FAR2: variants seen among roughly 807,000 people sequenced by gnomAD.
The protein encoded by FAR2 is epididymis secretory protein Li 81.
In FAR2, 19 loss-of-function variants were observed where a neutral mutation model predicts 56.0. That is an observed-to-expected ratio of 0.34 (90% CI 0.24 to 0.50). The LOEUF is 0.50. Ranked by LOEUF, FAR2 falls within the 20% of genes least tolerant of loss-of-function variation. The probability of loss-of-function intolerance (pLI) is 0.98; values close to 1 mark genes in which losing one functional copy is unlikely to be tolerated. For synonymous variants in FAR2, 219 were observed against 218.8 expected, an observed-to-expected ratio of 1.00 and a Z score of -0.01; for missense variants, 508 against 642.2, an observed-to-expected ratio of 0.79 and a Z score of 2.26.
chr12:29,293,744 C>A (rs1366359815), intron 3 of FAR2, among the ~76,000 whole-genome samples: 1 of 152,018 alleles, frequency 6.6e-6, no homozygotes, highest in Non-Finnish European at 1.5e-5. Context: ...TGTTTTGCAA[C>A]CTGCTCAATT....
At chr12:29,170,755 TC>T in intron 1 of FAR2, among the ~76,000 whole-genome samples, 1 of 14,742 alleles carries the variant, frequency 6.8e-5, no homozygotes, top group East Asian at 0.02. Flanking sequence ...TCTTCCTCTC[TC>T]TCTCTCTCTC....
chr12:29,211,168 A>G lies in FAR2; in HGVS notation c.-38-59244A>G, dbSNP rs149866056. Among the ~76,000 whole-genome samples, 219 of 152,166 alleles carry G rather than the reference A, an allele frequency of 1.4e-3. 1 individual carries two copies. The South Asian group carries it at 0.021, about 15-fold the overall frequency. ...GGACCAGGTGCGGTGGCTCACACCT[A>G]TAATCCCAACTACTTGGGAGGCTGA... On this transcript the variant is annotated intron_variant, in intron 1 of 11. Coordinates refer to ENST00000536681, the MANE Select transcript of FAR2 (RefSeq NM_001271783.2).
chr12:29,307,642 TTACTC>T lies in FAR2; in HGVS notation c.546-12_546-8del, dbSNP rs142002128. The T allele has an allele frequency of 1.8e-3, 2,792 of 1,590,792 alleles. 40 individuals are homozygous for T. In the African/African-American group the frequency reaches 0.032, roughly 18 times the overall value. On this transcript the variant is annotated splice_polypyrimidine_tract_variant and intron_variant, in intron 4 of 11. Transcript: ENST00000536681. ...CTAACATATGTTACTAGAATTCTCT[TTACTC>T]TACCTTTTAGGTGGTTAGACGATGC...
chr12:29,321,695 A>T (rs1372471567), intron 9 of FAR2, 100 bp from the exon 10 acceptor site: 1 of 1,373,586 alleles, frequency 7.3e-7, no homozygotes, highest in Non-Finnish European at 9.8e-7. Flanking sequence ...GTAGACAGGG[A>T]TAATTTTTGT....
In FAR2 at chr12:29,240,518, G is replaced by GT. The variant is rs995679804; in HGVS notation, c.-38-29892dup. 3.7e-4 allele frequency among the ~76,000 whole-genome samples: 3 copies of GT among 8,208 alleles called. No homozygotes were observed. The Admixed American group carries it at 6.5e-3, about 18-fold the overall frequency. 5.4% of individuals were successfully genotyped at this position (8,208 alleles called of 152,430 possible). A position where few individuals can be genotyped will look rare whatever the true frequency, so the allele number is the denominator to read the frequency against. On this transcript the variant is annotated intron_variant, in intron 1 of 11. Transcript: ENST00000536681. ...ACAGAGAAATCATGGCACAAAATGG[G>GT]TTGTTTTTTTTTTAATTTGAAAATG...
At chr12:29,150,805 G>A (rs1481676079) in intron 1 of FAR2, among the ~76,000 whole-genome samples, 1 of 152,156 alleles carries the variant, frequency 6.6e-6, no homozygotes, top group East Asian at 1.9e-4. Context: ...TGCCCCTGCT[G>A]TATTAACAAA....
intron 2 of FAR2, among the ~76,000 whole-genome samples, chr12:29,290,609 T>C (rs1377131898): frequency 1.3e-5 from 2 of 152,130 alleles, no homozygotes; most frequent in Non-Finnish European, 2.9e-5. Context: ...TAAGTGTCCA[T>C]CAATAGATGA....
intron 1 of FAR2, among the ~76,000 whole-genome samples, chr12:29,184,843 C>T (rs1332857797): frequency 6.6e-6 from 1 of 152,136 alleles, no homozygotes; most frequent in Non-Finnish European, 1.5e-5. Flanking sequence ...TTAAATCTCT[C>T]CTTCATTTTT....
chr12:29,222,199 T>C (rs1054459266), intron 1 of FAR2, among the ~76,000 whole-genome samples: 2 of 152,162 alleles, frequency 1.3e-5, no homozygotes, highest in African/African-American at 4.8e-5. Flanking sequence ...CTCACTGTTA[T>C]AAGAAAATCG....
chr12:29,177,369 G>C (rs1271880458), intron 1 of FAR2, among the ~76,000 whole-genome samples: 1 of 152,054 alleles, frequency 6.6e-6, no homozygotes, highest in Non-Finnish European at 1.5e-5. Context: ...ATTTTTAAGA[G>C]GTGCTCTTTT....
intron 1 of FAR2, among the ~76,000 whole-genome samples, chr12:29,227,495 G>A (rs1450047928): frequency 1.3e-5 from 2 of 152,150 alleles, no homozygotes; most frequent in Non-Finnish European, 2.9e-5. Context: ...TGAGGAAGAA[G>A]TAGGTCCTTT....
intron 1 of FAR2, among the ~76,000 whole-genome samples, chr12:29,188,440 A>G (rs1181752849): frequency 6.6e-6 from 1 of 152,040 alleles, no homozygotes; most frequent in African/African-American, 2.4e-5. Flanking sequence ...TTTTAAGATG[A>G]ACTTAGGGAT....
chr12:29,248,976 T>C (rs1376713100), intron 1 of FAR2, among the ~76,000 whole-genome samples: 2 of 152,248 alleles, frequency 1.3e-5, no homozygotes, highest in African/African-American at 4.8e-5. Context: ...TGTTCTTTTT[T>C]CAAGGTGCCC....
intron 1 of FAR2, among the ~76,000 whole-genome samples, chr12:29,189,458 C>T (rs1264616063): frequency 6.6e-6 from 1 of 152,078 alleles, no homozygotes; most frequent in African/African-American, 2.4e-5. Context: ...TGTATTTTTC[C>T]TTCCCCAGTG....
intron 4 of FAR2, among the ~76,000 whole-genome samples, chr12:29,303,560 G>A (rs1255654001): frequency 6.6e-6 from 1 of 152,200 alleles, no homozygotes; most frequent in Non-Finnish European, 1.5e-5. Flanking sequence ...TGAGGGTGCA[G>A]GTGTGAGAGG....
intron 1 of FAR2, among the ~76,000 whole-genome samples, chr12:29,241,258 T>C (rs7968883): frequency 0.56 from 85,149 of 152,076 alleles, 24,378 homozygotes; most frequent in African/African-American, 0.67. Context: ...TGCCAAAATG[T>C]GTATGTATAC....
chr12:29,155,981 G>A (rs1949723241), intron 1 of FAR2, among the ~76,000 whole-genome samples: 1 of 152,154 alleles, frequency 6.6e-6, no homozygotes, highest in Non-Finnish European at 1.5e-5. Flanking sequence ...CACAGAAAGA[G>A]AAATACTGCA....
chr12:29,315,995 ATGCCT>A (rs1949443235), intron 8 of FAR2, among the ~76,000 whole-genome samples: 1 of 152,190 alleles, frequency 6.6e-6, no homozygotes, highest in Non-Finnish European at 1.5e-5. Flanking sequence ...GTTTCAATAA[ATGCCT>A]ATGAACCAGG....
intron 1 of FAR2, among the ~76,000 whole-genome samples, chr12:29,186,627 T>A (rs1950042900): frequency 6.6e-6 from 1 of 152,198 alleles, no homozygotes; most frequent in South Asian, 2.1e-4. Flanking sequence ...CTGGACATAT[T>A]CTTTTTCTGA....
Sources: allele counts gnomAD v4.1 joint callset (sites outside exome capture counted in the v4.1 genomes callset), GRCh38; gene constraint gnomAD v4.1.1; transcripts MANE v1.5; gene names NCBI Gene and HGNC (gene_info 2026-07-23, HGNC 2026-07-21).